Variants in WDR20 observed in about 807,000 individuals in gnomAD.
WDR20 encodes the protein WD repeat-containing protein 20.
A neutral mutation model predicts 38.7 loss-of-function variants in WDR20; 3 were observed. That is an observed-to-expected ratio of 0.08 (90% CI 0.04 to 0.20). WDR20 has a LOEUF of 0.20. Ranked by LOEUF, WDR20 falls within the 10% of genes least tolerant of loss-of-function variation. WDR20 has a pLI of 1.00. For synonymous variants in WDR20, 298 were observed against 285.6 expected (o/e 1.04, Z -0.44); for missense variants, 559 against 727.7 (o/e 0.77, Z 2.67).
At chr14:102,186,234 G>A (rs2064682701) in intron 1 of WDR20, among the ~76,000 whole-genome samples, 1 of 152,210 alleles carries the variant, frequency 6.6e-6, no homozygotes, top group African/African-American at 2.4e-5. Context: ...GATTGTGTGG[G>A]TCTTTCCATA....
At chr14:102,148,939 A>G (rs2054710318) in intron 1 of WDR20, among the ~76,000 whole-genome samples, 1 of 152,096 alleles carries the variant, frequency 6.6e-6, no homozygotes, top group Non-Finnish European at 1.5e-5. Flanking sequence ...AGGCGGGCGG[A>G]TCACGAGGTC....
chr14:102,204,984 C>T (rs542836481), intron 2 of WDR20, among the ~76,000 whole-genome samples: 53 of 152,324 alleles, frequency 3.5e-4, no homozygotes, highest in African/African-American at 1.2e-3. Flanking sequence ...TGGTGGCTCA[C>T]GCCTTTAATC....
In WDR20 at chr14:102,150,828, C is replaced by G. The variant is rs77376951; in HGVS notation, c.249+10656C>G. ...CAAGGACGGACATGATATTCACACA[C>G]TCATTCTAAGAGGACTTACTGAGTG... is the stretch of plus-strand genomic sequence containing the variant. On this transcript the variant is annotated intron_variant, in intron 1 of 2. Transcript: ENST00000342702. Among the ~76,000 whole-genome samples the G allele has an allele frequency of 1.9e-4, 29 of 152,334 alleles. No individual in the cohort carries two copies. The East Asian group carries it at 5.6e-3, about 29-fold the overall frequency.
chr14:102,224,104 C>T (rs2064151943), downstream of WDR20, among the ~76,000 whole-genome samples: 1 of 147,738 alleles, frequency 6.8e-6, no homozygotes, highest in Non-Finnish European at 1.5e-5. Context: ...TGCAGTGGCG[C>T]AATCTCGGCT....
chr14:102,203,972 C>T (rs952420921), intron 2 of WDR20, among the ~76,000 whole-genome samples: 5 of 152,180 alleles, frequency 3.3e-5, no homozygotes, highest in African/African-American at 9.7e-5. Flanking sequence ...GTGTTCTGTT[C>T]TCTTCCTCTT....
At chr14:102,193,317 G>C (rs1394993755) in intron 1 of WDR20, 1 of 720,874 alleles carries the variant, frequency 1.4e-6, no homozygotes, top group Non-Finnish European at 2.3e-6. Context: ...GCTGCCTTCA[G>C]CCTGCCTTGC....
At chr14:102,219,172 A>C (rs1339164865), downstream of WDR20, among the ~76,000 whole-genome samples, 2 of 152,080 alleles carry the variant, frequency 1.3e-5, no homozygotes, top group Non-Finnish European at 2.9e-5. Flanking sequence ...CTCTTCTACC[A>C]CCTGATAATC....
chr14:102,148,669 T>TTGTGTGTG (rs10525828), intron 1 of WDR20, among the ~76,000 whole-genome samples: 3,859 of 144,870 alleles, frequency 0.027, 156 homozygotes, highest in African/African-American at 0.086. Context: ...GAGTTTGGCT[T>TTGTGTGTG]TGTGTGTGTG....
At chr14:102,177,742 C>G (rs955625957) in intron 1 of WDR20, among the ~76,000 whole-genome samples, 3 of 152,140 alleles carry the variant, frequency 2.0e-5, no homozygotes, top group African/African-American at 7.2e-5. Flanking sequence ...CCGCAGTTAT[C>G]TATTCATGCC....
intron 1 of WDR20, among the ~76,000 whole-genome samples, chr14:102,153,193 C>T (rs375501060): frequency 1.2e-3 from 177 of 152,280 alleles, no homozygotes; most frequent in African/African-American, 4.0e-3. Flanking sequence ...GCCTGCCCCC[C>T]CTTCACCTTC....
At chr14:102,202,567 A>T (rs1022564288) in intron 2 of WDR20, among the ~76,000 whole-genome samples, 1 of 151,394 alleles carries the variant, frequency 6.6e-6, no homozygotes, top group African/African-American at 2.4e-5. Context: ...TTTTTAGTAG[A>T]GACAGGGTTT....
intron 1 of WDR20, among the ~76,000 whole-genome samples, chr14:102,178,134 GT>G (rs1167489618): frequency 3.9e-5 from 6 of 152,188 alleles, no homozygotes; most frequent in Non-Finnish European, 8.8e-5. Flanking sequence ...GCTCATGCCT[GT>G]AATCCCAGCA....
chr14:102,147,376 G>A (rs542752201), intron 1 of WDR20, among the ~76,000 whole-genome samples: 25 of 152,268 alleles, frequency 1.6e-4, no homozygotes, highest in East Asian at 5.8e-4. Flanking sequence ...GCAACAAAGC[G>A]AGACCTTCCC....
intron 1 of WDR20, among the ~76,000 whole-genome samples, chr14:102,188,875 A>C (rs2152920460): frequency 1.2e-5 from 1 of 86,770 alleles, no homozygotes; most frequent in Middle Eastern, 6.1e-3. Context: ...CCTGTTTCAA[A>C]AAAAAAAAAA....
chr14:102,214,644 CTG>C (rs1345389324), downstream of WDR20: 40 of 984,588 alleles, frequency 4.1e-5, no homozygotes, highest in Non-Finnish European at 4.8e-5. Flanking sequence ...TTAGGCGACA[CTG>C]TATAAAATTG....
intron 2 of WDR20, among the ~76,000 whole-genome samples, chr14:102,199,251 A>G (rs991759485): frequency 1.3e-5 from 2 of 151,626 alleles, no homozygotes; most frequent in Non-Finnish European, 2.9e-5. Flanking sequence ...ATGGGTGGGA[A>G]CAGCACCCAC....
At chr14:102,196,678 C>T (rs145802854) in intron 2 of WDR20, among the ~76,000 whole-genome samples, 1 of 152,198 alleles carries the variant, frequency 6.6e-6, no homozygotes, top group Non-Finnish European at 1.5e-5. Context: ...GAGTTGGAGA[C>T]CACACGTCCC....
chr14:102,146,325 C>T (rs2053646343), intron 1 of WDR20, among the ~76,000 whole-genome samples: 2 of 152,004 alleles, frequency 1.3e-5, no homozygotes, highest in African/African-American at 4.8e-5. Context: ...CCACCATGCC[C>T]AGCTAATTTT....
chr14:102,139,892 C>T, upstream of WDR20: 1 of 1,603,816 alleles, frequency 6.2e-7, no homozygotes, highest in Non-Finnish European at 8.5e-7. Flanking sequence ...GTGATCCGGG[C>T]ACTTAGGGCA....
Sources: allele counts gnomAD v4.1 joint callset (sites outside exome capture counted in the v4.1 genomes callset), GRCh38; gene constraint gnomAD v4.1.1; transcripts MANE v1.5; gene names NCBI Gene and HGNC (gene_info 2026-07-23, HGNC 2026-07-21).